The following GALNT17 variants were observed in gnomAD, a reference collection of about 807,000 sequenced individuals.
The protein encoded by GALNT17 is UDP-GalNAc:polypeptide N-acetylgalactosaminyltransferase-like 3.
Under a neutral mutation model 63.7 loss-of-function variants are expected in GALNT17, and 29 were observed. The observed-to-expected ratio is 0.46, with a 90% CI of 0.34 to 0.62. The LOEUF is 0.62. Among genes scored for constraint, GALNT17 ranks in the 20% least tolerant of loss-of-function variants. GALNT17 has a pLI of 0.01. For missense variants in GALNT17, 603 were observed against 799.6 expected, an observed-to-expected ratio of 0.75 and a Z score of 2.97; for synonymous variants, 305 against 318.3, an observed-to-expected ratio of 0.96 and a Z score of 0.45.
chr7:71,148,874 A>C (rs1562863768), intron 1 of GALNT17, among the ~76,000 whole-genome samples: 1 of 141,982 alleles, frequency 7.0e-6, no homozygotes, highest in African/African-American at 2.6e-5. Context: ...ATATATATAT[A>C]TATATATATA....
At chr7:71,617,976 C>A (rs893648482) in intron 6 of GALNT17, among the ~76,000 whole-genome samples, 69 of 151,962 alleles carry the variant, frequency 4.5e-4, no homozygotes, top group African/African-American at 1.3e-3. Flanking sequence ...CCACCCCCTG[C>A]AAACCCTCTA....
intron 2 of GALNT17, among the ~76,000 whole-genome samples, chr7:71,340,628 A>G (rs534071027): frequency 6.6e-6 from 1 of 152,358 alleles, no homozygotes; most frequent in African/African-American, 2.4e-5. Context: ...GTTAACAACA[A>G]CAACAGAAAA....
chr7:71,210,032 C>T (rs1170197357), intron 1 of GALNT17, among the ~76,000 whole-genome samples: 4 of 152,102 alleles, frequency 2.6e-5, no homozygotes, highest in African/African-American at 7.2e-5. Context: ...AAGCAATTCT[C>T]CTGCCTCAGC....
intron 2 of GALNT17, among the ~76,000 whole-genome samples, chr7:71,377,061 G>A (rs370288169): frequency 3.3e-4 from 43 of 129,222 alleles, no homozygotes; most frequent in African/African-American, 1.2e-3. Context: ...ACTCCAGCCC[G>A]GGCAACAGAG....
chr7:71,712,622 C>T lies in GALNT17; in HGVS notation c.*476C>T, dbSNP rs768060169. On this transcript the variant is annotated 3_prime_UTR_variant, in exon 11 of 11. Transcript: ENST00000333538. ...AAAAGGAGGCAGTGAGGACCAGGCA[C>T]TATTTCCTCCGAGGTTACTTCTACC... 5 of 157,058 alleles carry T rather than the reference C, an allele frequency of 3.2e-5. No homozygotes were observed. The highest frequency in any genetic ancestry group is 5.6e-5 in the Non-Finnish European group (4 of 71,574). 9.7% of individuals were successfully genotyped at this position (157,058 alleles called of 1,614,324 possible).
At chr7:71,646,297 G>T (rs1376274566) in intron 6 of GALNT17, among the ~76,000 whole-genome samples, 1 of 152,164 alleles carries the variant, frequency 6.6e-6, no homozygotes, top group Non-Finnish European at 1.5e-5. Context: ...GGATGGGATG[G>T]AGCTCCAAGA....
intron 1 of GALNT17, among the ~76,000 whole-genome samples, chr7:71,151,879 A>C (rs968964214): frequency 1.1e-4 from 16 of 152,214 alleles, no homozygotes; most frequent in African/African-American, 3.6e-4. Context: ...AGGTTAGTTT[A>C]AGCATTAGCA....
At chr7:71,479,691 T>C (rs1360296472) in intron 5 of GALNT17, among the ~76,000 whole-genome samples, 3 of 152,168 alleles carry the variant, frequency 2.0e-5, no homozygotes, top group African/African-American at 4.8e-5. Flanking sequence ...TTTGCAAAGA[T>C]GGCATCAAGC....
intron 2 of GALNT17, among the ~76,000 whole-genome samples, chr7:71,354,373 A>T (rs943917053): frequency 2.6e-5 from 4 of 152,132 alleles, no homozygotes; most frequent in African/African-American, 9.7e-5. Flanking sequence ...GGTATAGTTT[A>T]TTGTGTTAAG....
chr7:71,206,921 C>T (rs959500781), intron 1 of GALNT17, among the ~76,000 whole-genome samples: 9 of 151,856 alleles, frequency 5.9e-5, no homozygotes, highest in African/African-American at 2.2e-4. Context: ...CTGGCTAATG[C>T]AGTGAAACCC....
intron 1 of GALNT17, among the ~76,000 whole-genome samples, chr7:71,206,195 AGTG>A (rs1789268639): frequency 6.6e-6 from 1 of 150,868 alleles, no homozygotes; most frequent in African/African-American, 2.4e-5. Flanking sequence ...ACACACACCA[AGTG>A]GTTATCTTGT....
intron 1 of GALNT17, among the ~76,000 whole-genome samples, chr7:71,235,618 T>C (rs1474560141): frequency 6.6e-6 from 1 of 152,190 alleles, no homozygotes; most frequent in Non-Finnish European, 1.5e-5. Context: ...TCTCCAGATT[T>C]ACTGAAAAGT....
intron 9 of GALNT17, among the ~76,000 whole-genome samples, chr7:71,696,923 CAAAG>C (rs1374368236): frequency 6.6e-6 from 1 of 151,876 alleles, no homozygotes; most frequent in Non-Finnish European, 1.5e-5. Flanking sequence ...AAACCTATAG[CAAAG>C]AAAGACACAT....
At chr7:71,235,300 G>C (rs948741527) in intron 1 of GALNT17, among the ~76,000 whole-genome samples, 2 of 152,028 alleles carry the variant, frequency 1.3e-5, no homozygotes, top group Non-Finnish European at 2.9e-5. Flanking sequence ...GTTGCCCGTG[G>C]TTGAGAATCA....
chr7:71,429,077 G>A (rs923882000), intron 5 of GALNT17, among the ~76,000 whole-genome samples: 4 of 152,174 alleles, frequency 2.6e-5, no homozygotes, highest in Non-Finnish European at 2.9e-5. Context: ...CTGTTTGTCT[G>A]TCTATTGAAA....
rs757857175 is a variant in GALNT17 at position 71,710,973 on chromosome 7, A to G, written c.1668+45A>G. The G allele has an allele frequency of 2.5e-6, 4 of 1,598,764 alleles. No individual in the cohort carries two copies. The African/African-American group carries it at 4.0e-5, about 16-fold the overall frequency. On this transcript the variant is annotated intron_variant, in intron 10 of 10. Transcript: ENST00000333538. ...AGCCAGCACCCAGAGTAGCTGCAAGAGGCTGCAGACCACAGAGGGGAATCC... is the reference window on the plus strand; with the variant it reads ...AGCCAGCACCCAGAGTAGCTGCAAGGGGCTGCAGACCACAGAGGGGAATCC...
chr7:71,308,918 A>G (rs1562990692), intron 1 of GALNT17, among the ~76,000 whole-genome samples: 1 of 151,764 alleles, frequency 6.6e-6, no homozygotes, highest in Non-Finnish European at 1.5e-5. Flanking sequence ...TAATTTTTGT[A>G]TGTTTAGTAG....
At chr7:71,582,928 G>T (rs6978864) in intron 6 of GALNT17, among the ~76,000 whole-genome samples, 100,569 of 152,022 alleles carry the variant, frequency 0.66, 34,134 homozygotes, top group South Asian at 0.8. Context: ...AACTTACTCA[G>T]GTAACCAAAC....
intron 1 of GALNT17, among the ~76,000 whole-genome samples, chr7:71,288,827 T>C (rs1275327898): frequency 1.3e-5 from 2 of 152,168 alleles, no homozygotes; most frequent in Non-Finnish European, 2.9e-5. Context: ...CTGAGAAATA[T>C]TTTTTTGCTG....
Sources: gnomAD v4.1 joint callset for allele counts (sites outside exome capture counted in the v4.1 genomes callset) on GRCh38, gnomAD v4.1.1 for gene constraint, MANE v1.5 for transcripts, NCBI Gene and HGNC (gene_info 2026-07-23, HGNC 2026-07-21) for gene names.